Variants in ASAP1 observed in about 807,000 individuals in gnomAD.
ASAP1 encodes the protein arf-GAP with SH3 domain, ANK repeat and PH domain-containing protein 1.
Under a neutral mutation model 145.2 loss-of-function variants are expected in ASAP1, and 43 were observed. That is an observed-to-expected ratio of 0.30 (90% confidence interval 0.23 to 0.38). The LOEUF (loss-of-function observed/expected upper bound fraction) is 0.38, where lower values mean the gene tolerates loss of function less well. ASAP1 is among the 10% of genes least tolerant of loss of function. The pLI, the probability that ASAP1 is intolerant of heterozygous loss-of-function variation, is 1.00. For synonymous variants in ASAP1, 546 were observed against 515.5 expected (o/e 1.06, Z -0.80); for missense variants, 1,018 against 1,355.3 (o/e 0.75, Z 3.91).
At chr8:130,211,752 C>T (rs1035242587) in intron 5 of ASAP1, among the ~76,000 whole-genome samples, 1 of 147,402 alleles carries the variant, frequency 6.8e-6, no homozygotes, top group African/African-American at 2.4e-5. Flanking sequence ...CATAGACCTT[C>T]GAACATAATA....
intron 1 of ASAP1, among the ~76,000 whole-genome samples, chr8:130,406,389 A>G (rs902897792): frequency 6.6e-6 from 1 of 152,164 alleles, no homozygotes; most frequent in African/African-American, 2.4e-5. Context: ...TGACTTATTA[A>G]AAGTTGGCCC....
chr8:130,124,104 G>A lies in ASAP1; in HGVS notation c.1516C>T (p.Leu506=). ...LDKLGTSELL[L]AKNVGNNSFN... is the part of the protein sequence containing the mutation. ...CTATTGTTTCCTACATTCTTGGCCA[G>A]CTGTAACAGAAAAAACAAACAACCA... The change falls in exon 18 of 30, where the codon CTG becomes TTG. Residue 506 remains leucine (L), a splice_region_variant and synonymous_variant. Transcript: ENST00000518721. The A allele has an allele frequency of 6.3e-7, 1 of 1,593,310 alleles. No individual in the cohort carries two copies. The highest frequency in any genetic ancestry group is 1.2e-5 in the South Asian group (1 of 86,694).
At chr8:130,214,827 C>G (rs1816797348) in intron 4 of ASAP1, 126 bp from the exon 5 acceptor site, 3 of 776,776 alleles carry the variant, frequency 3.9e-6, no homozygotes, top group East Asian at 5.3e-5. Flanking sequence ...ATTTATTGCA[C>G]ATGTCCCAAA....
chr8:130,136,934 A>G lies in ASAP1; in HGVS notation c.1168+17T>C. 6.2e-7 allele frequency: 1 copy of G among 1,609,426 alleles called. No individual in the cohort carries two copies. The highest frequency in any genetic ancestry group is 8.5e-7 in the Non-Finnish European group (1 of 1,175,720). On this transcript the variant is annotated intron_variant, in intron 14 of 29. Transcript: ENST00000518721. ...AGAAGCCACAATAACCAACTCAGAG[A>G]GAGAAAAAGGACTCACGTGATATCA...
In ASAP1 at chr8:130,071,415, C is replaced by T. The variant is rs1013791388; in HGVS notation, c.2701+4933G>A. Among the ~76,000 whole-genome samples, 7 of 152,122 alleles carry T rather than the reference C, an allele frequency of 4.6e-5. 1 individual carries two copies. Among genetic ancestry groups the T allele is most frequent in the Admixed American group, 2.0e-4 (3 of 15,272 alleles). ...AATTGGGGCTAACAGTGAATATGGCCGGTGGTAAAAATAGCTCATTGGTTC... is the reference window on the plus strand; with the variant it reads ...AATTGGGGCTAACAGTGAATATGGCTGGTGGTAAAAATAGCTCATTGGTTC... On this transcript the variant is annotated intron_variant, in intron 27 of 29. Transcript: ENST00000518721.
intron 3 of ASAP1, among the ~76,000 whole-genome samples, chr8:130,354,560 C>T (rs75303739): frequency 0.013 from 2,031 of 152,310 alleles, 42 homozygotes; most frequent in African/African-American, 0.047. Context: ...GTCTGGGTCA[C>T]AGCAGTCCTA....
At chr8:130,064,640 G>A (rs956046734) in intron 27 of ASAP1, among the ~76,000 whole-genome samples, 2 of 152,010 alleles carry the variant, frequency 1.3e-5, no homozygotes, top group East Asian at 1.9e-4. Context: ...ACCAAGCAGC[G>A]GATACCAGCC....
chr8:130,380,083 G>C (rs370744928), intron 2 of ASAP1, among the ~76,000 whole-genome samples: 20 of 152,286 alleles, frequency 1.3e-4, no homozygotes, highest in African/African-American at 4.8e-4. Context: ...CTACCTGTTG[G>C]GCACCCCAGG....
At chr8:130,343,809 C>T (rs1229772830) in intron 3 of ASAP1, among the ~76,000 whole-genome samples, 1 of 152,154 alleles carries the variant, frequency 6.6e-6, no homozygotes, top group East Asian at 1.9e-4. Flanking sequence ...ACATTTAATA[C>T]AATGACATGC....
At chr8:130,425,995 G>T (rs1829902243) in intron 1 of ASAP1, among the ~76,000 whole-genome samples, 1 of 152,198 alleles carries the variant, frequency 6.6e-6, no homozygotes, top group Non-Finnish European at 1.5e-5. Flanking sequence ...TTTGCAGACA[G>T]CAAATACTGC....
At chr8:130,074,440 AACACACACACACACACACACACACAC>A (rs57005471) in intron 27 of ASAP1, among the ~76,000 whole-genome samples, 1 of 119,236 alleles carries the variant, frequency 8.4e-6, no homozygotes, top group African/African-American at 3.0e-5. Context: ...CCAAATAGTA[AACACACACACACACACACACACACAC>A]ACACACACAC....
chr8:130,353,359 AG>A (rs1159150235), intron 3 of ASAP1, among the ~76,000 whole-genome samples: 2 of 152,220 alleles, frequency 1.3e-5, no homozygotes, highest in African/African-American at 4.8e-5. Flanking sequence ...TCGAAAGTAC[AG>A]GGAAAAAATA....
rs78448633 is a variant in ASAP1 at position 130,166,354 on chromosome 8, C to T, written c.909+1182G>A. Among the ~76,000 whole-genome samples the T allele has an allele frequency of 9.1e-3, 1,380 of 152,222 alleles. 17 individuals are homozygous for T. The highest frequency in any genetic ancestry group is 0.032 in the African/African-American group (1,333 of 41,530). On this transcript the variant is annotated intron_variant, in intron 11 of 29. Coordinates refer to ENST00000518721, the MANE Select transcript of ASAP1 (RefSeq NM_018482.4). ...AAAAACAGGCACGTTTTTAATTTCT[C>T]CCAGAAAACAAATGGTGCTTACTGT...
At chr8:130,060,481 C>A in intron 28 of ASAP1, 98 bp downstream of exon 28, 1 of 1,461,472 alleles carries the variant, frequency 6.8e-7, no homozygotes. Context: ...GGTGAGCAAG[C>A]TCTCACTTTT....
chr8:130,164,703 C>T (rs1402807595), intron 11 of ASAP1, among the ~76,000 whole-genome samples: 1 of 152,106 alleles, frequency 6.6e-6, no homozygotes, highest in East Asian at 1.9e-4. Context: ...CATTTATTTG[C>T]TAAGACAATA....
At chr8:130,101,972 A>C (rs2097529586) in intron 24 of ASAP1, among the ~76,000 whole-genome samples, 1 of 152,030 alleles carries the variant, frequency 6.6e-6, no homozygotes, top group African/African-American at 2.4e-5. Context: ...GAATTTATTC[A>C]TCAGTTCTAA....
At chr8:130,319,483 G>A (rs1032706423) in intron 3 of ASAP1, among the ~76,000 whole-genome samples, 1 of 152,090 alleles carries the variant, frequency 6.6e-6, no homozygotes, top group Non-Finnish European at 1.5e-5. Flanking sequence ...CTTCTTGCAG[G>A]GCTATGGGAA....
At chr8:130,085,137 A>G (rs773255102) in intron 25 of ASAP1, among the ~76,000 whole-genome samples, 2 of 152,158 alleles carry the variant, frequency 1.3e-5, no homozygotes, top group African/African-American at 2.4e-5. Context: ...ATGGAGGGCC[A>G]GGGGAGGGGG....
At chr8:130,062,127 C>T (rs10095631) in intron 27 of ASAP1, among the ~76,000 whole-genome samples, 12 of 152,104 alleles carry the variant, frequency 7.9e-5, no homozygotes, top group Non-Finnish European at 1.0e-4. Flanking sequence ...TCTTTAAGGC[C>T]CTATTACAGT....
Sources: gnomAD v4.1 joint callset for allele counts (sites outside exome capture counted in the v4.1 genomes callset) on GRCh38, gnomAD v4.1.1 for gene constraint, MANE v1.5 for transcripts, NCBI Gene and HGNC (gene_info 2026-07-23, HGNC 2026-07-21) for gene names.